BMERB1: variants seen among roughly 807,000 people sequenced by gnomAD.
BMERB1 encodes bMERB domain-containing protein 1.
Under a neutral mutation model 23.6 loss-of-function variants are expected in BMERB1, and 12 were observed. The ratio of observed to expected loss-of-function variants is 0.51; its 90% CI spans 0.33 to 0.82. The LOEUF is 0.82. Among genes scored for constraint, BMERB1 ranks in the 40% least tolerant of loss-of-function variants. The pLI, the probability that BMERB1 is intolerant of heterozygous loss-of-function variation, is 0.03. For synonymous variants in BMERB1, 122 were observed against 96.6 expected (o/e 1.26, Z -1.54); for missense variants, 247 against 255.4 (o/e 0.97, Z 0.22).
intron 2 of BMERB1, among the ~76,000 whole-genome samples, chr16:15,530,686 G>A (rs1377279748): frequency 2.0e-5 from 3 of 152,134 alleles, no homozygotes; most frequent in Non-Finnish European, 2.9e-5. Context: ...CCCGGTGGAA[G>A]GTAATTCAAT....
intron 2 of BMERB1, among the ~76,000 whole-genome samples, chr16:15,549,821 T>C (rs1426719567): frequency 6.6e-6 from 1 of 152,238 alleles, no homozygotes; most frequent in Non-Finnish European, 1.5e-5. Flanking sequence ...ACAAATTAAT[T>C]AAAATTGCAT....
intron 1 of BMERB1, among the ~76,000 whole-genome samples, chr16:15,456,545 C>CCAG (rs1292570069): frequency 6.6e-6 from 1 of 152,060 alleles, no homozygotes; most frequent in East Asian, 1.9e-4. Flanking sequence ...GCCATGTTAT[C>CCAG]CAGGCTGGTT....
chr16:15,543,654 C>T (rs2052106711), intron 2 of BMERB1, among the ~76,000 whole-genome samples: 1 of 151,734 alleles, frequency 6.6e-6, no homozygotes, highest in Non-Finnish European at 1.5e-5. Context: ...GAACTCCTCT[C>T]TACAAAAAAT....
At chr16:15,567,560 C>T (rs1284595987) in intron 2 of BMERB1, among the ~76,000 whole-genome samples, 1 of 152,140 alleles carries the variant, frequency 6.6e-6, no homozygotes, top group Non-Finnish European at 1.5e-5. Context: ...CCAGCCTGGC[C>T]ACCATGGTGA....
Position 15,584,317 on chromosome 16 carries a change from T to A in BMERB1, c.502+1079T>A, listed in dbSNP as rs2031087104. ...GCTCACGCCTGTAATGCCAGCACTT[T>A]GGGAGGCCGAGGCGGGCGGATCACA... On this transcript the variant is annotated intron_variant, in intron 5 of 5. Coordinates refer to ENST00000300006, the MANE Select transcript of BMERB1 (RefSeq NM_033201.3). The A allele has an allele frequency of 5.9e-5, 20 of 339,416 alleles. No homozygotes were observed. The South Asian group carries it at 7.6e-4, about 13-fold the overall frequency. The allele number at this position is 339,416 out of a possible 1,614,324, so 21.0% of individuals were successfully genotyped here.
At position 15,510,922 on chromosome 16, in the gene BMERB1, G is replaced by A. The variant is rs542375991; in HGVS notation, c.107-4383G>A. Among the ~76,000 whole-genome samples, 4 of 152,130 alleles carry A rather than the reference G, an allele frequency of 2.6e-5. No individual in the cohort carries two copies. In the East Asian group the frequency reaches 5.8e-4, roughly 22 times the overall value. ...TCACCGTGTTGGTCACACTGGTCTCGAACTCCTGACCTCAGGTGATCCGCC... is the reference window on the plus strand; with the variant it reads ...TCACCGTGTTGGTCACACTGGTCTCAAACTCCTGACCTCAGGTGATCCGCC... On this transcript the variant is annotated intron_variant, in intron 1 of 5. Transcript: ENST00000300006.
intron 1 of BMERB1, among the ~76,000 whole-genome samples, chr16:15,501,287 C>CTTTTTTTTTTTTTTTTTTTTTTTT (rs71152437): frequency 1.5e-5 from 1 of 64,922 alleles, no homozygotes. Context: ...GCTCTTTTTA[C>CTTTTTTTTTTTTTTTTTTTTTTTT]TTTTTTTTTT....
chr16:15,545,392 T>C (rs147537865), intron 2 of BMERB1, among the ~76,000 whole-genome samples: 374 of 152,328 alleles, frequency 2.5e-3, no homozygotes, highest in Admixed American at 7.2e-3. Context: ...TAAAGTGATA[T>C]ATGATGGAGA....
intron 1 of BMERB1, among the ~76,000 whole-genome samples, chr16:15,476,172 T>C (rs929491320): frequency 2.0e-5 from 3 of 150,374 alleles, no homozygotes; most frequent in Admixed American, 2.0e-4. Flanking sequence ...TTTTTTTTTT[T>C]TTTTTTTTGA....
intron 2 of BMERB1, among the ~76,000 whole-genome samples, chr16:15,530,617 C>T (rs1329004256): frequency 6.6e-6 from 1 of 151,986 alleles, no homozygotes; most frequent in African/African-American, 2.4e-5. Flanking sequence ...TCGGCTGTGT[C>T]CCCACCCAAA....
intron 2 of BMERB1, among the ~76,000 whole-genome samples, chr16:15,560,853 G>A (rs1266886846): frequency 6.6e-6 from 1 of 150,922 alleles, no homozygotes; most frequent in Admixed American, 6.6e-5. Flanking sequence ...AAGAGTATAA[G>A]CACTGAAAGT....
intron 1 of BMERB1, among the ~76,000 whole-genome samples, chr16:15,463,269 A>ATATATATATATTTTTTTT (rs1180090455): frequency 1.3e-5 from 2 of 148,530 alleles, no homozygotes; most frequent in African/African-American, 5.2e-5. Flanking sequence ...ATATATATAT[A>ATATATATATATTTTTTTT]TTTTGTAGAG....
At chr16:15,464,994 A>G (rs1361701352) in intron 1 of BMERB1, among the ~76,000 whole-genome samples, 1 of 152,136 alleles carries the variant, frequency 6.6e-6, no homozygotes, top group Non-Finnish European at 1.5e-5. Flanking sequence ...AAGCCAGCAT[A>G]GATGAAGACC....
At chr16:15,460,470 C>T (rs190682913) in intron 1 of BMERB1, among the ~76,000 whole-genome samples, 44 of 152,196 alleles carry the variant, frequency 2.9e-4, no homozygotes, top group African/African-American at 1.0e-3. Context: ...TTTTTCATCT[C>T]CCAACAAACC....
At chr16:15,470,079 A>T (rs1380531948) in intron 1 of BMERB1, among the ~76,000 whole-genome samples, 1 of 152,152 alleles carries the variant, frequency 6.6e-6, no homozygotes, top group Non-Finnish European at 1.5e-5. Context: ...GGAGAAAAAA[A>T]TCAGGTTCTC....
chr16:15,503,078 G>A (rs565954821), intron 1 of BMERB1, among the ~76,000 whole-genome samples: 2 of 152,174 alleles, frequency 1.3e-5, no homozygotes, highest in Admixed American at 1.3e-4. Flanking sequence ...AACCAATTAT[G>A]GATGGAAAAT....
At chr16:15,562,167 G>C (rs1357158004) in intron 2 of BMERB1, among the ~76,000 whole-genome samples, 5 of 151,846 alleles carry the variant, frequency 3.3e-5, no homozygotes, top group African/African-American at 1.2e-4. Flanking sequence ...GCTGGGCCTG[G>C]TGGTGCATGC....
chr16:15,584,557 C>A (rs1380631285), intron 5 of BMERB1, among the ~76,000 whole-genome samples: 103 of 125,034 alleles, frequency 8.2e-4, no homozygotes, highest in South Asian at 1.3e-3. Flanking sequence ...GACTCCATCT[C>A]AAAAAAAAAA....
intron 1 of BMERB1, among the ~76,000 whole-genome samples, chr16:15,500,544 A>G (rs757083478): frequency 6.6e-6 from 1 of 152,296 alleles, no homozygotes; most frequent in East Asian, 1.9e-4. Flanking sequence ...AGGGGAAGGT[A>G]TCAGGGAGAA....
Sources: allele counts gnomAD v4.1 joint callset (sites outside exome capture counted in the v4.1 genomes callset), GRCh38; gene constraint gnomAD v4.1.1; transcripts MANE v1.5; gene names NCBI Gene and HGNC (gene_info 2026-07-23, HGNC 2026-07-21).